ZDHHC11: variants seen among roughly 807,000 people sequenced by gnomAD.
The protein encoded by ZDHHC11 is palmitoyltransferase ZDHHC11.
ZDHHC11 carries 44 observed loss-of-function variants against 51.3 expected under a neutral mutation model. The observed-to-expected ratio is 0.86, with a 90% CI of 0.67 to 1.10. ZDHHC11 has a LOEUF of 1.10. Ranked by LOEUF, ZDHHC11 falls within the 50% of genes least tolerant of loss-of-function variation. ZDHHC11 has a pLI of 0.00. For synonymous variants in ZDHHC11, 163 were observed against 222.0 expected (o/e 0.73, Z 2.36); for missense variants, 400 against 537.7 (o/e 0.74, Z 2.53).
upstream of ZDHHC11, among the ~76,000 whole-genome samples, chr5:852,944 C>T (rs1747493862): frequency 7.0e-6 from 1 of 143,870 alleles, no homozygotes; most frequent in Admixed American, 7.0e-5. Flanking sequence ...AGGGGACAGA[C>T]CCCACGCAGG....
At chr5:812,268 C>T (rs1221679844) in intron 11 of ZDHHC11, among the ~76,000 whole-genome samples, 2 of 151,222 alleles carry the variant, frequency 1.3e-5, no homozygotes, top group African/African-American at 2.4e-5. Context: ...ATGAACTTCA[C>T]GTTGCAAAAG....
chr5:853,639 AG>A (rs759252331), upstream of ZDHHC11, among the ~76,000 whole-genome samples: 53 of 125,976 alleles, frequency 4.2e-4, no homozygotes, highest in Non-Finnish European at 1.7e-4. Flanking sequence ...ACAGCAAGCC[AG>A]GGGGACAGAC....
intron 1 of ZDHHC11, among the ~76,000 whole-genome samples, chr5:849,344 A>G (rs1746788537): frequency 6.6e-6 from 1 of 152,302 alleles, no homozygotes; most frequent in East Asian, 1.9e-4. Context: ...TGAGGGACAG[A>G]GCAGGGCCAC....
At chr5:854,146 C>T (rs1344540912), upstream of ZDHHC11, among the ~76,000 whole-genome samples, 8 of 126,320 alleles carry the variant, frequency 6.3e-5, no homozygotes, top group Non-Finnish European at 8.2e-5. Flanking sequence ...CAGAGGACAG[C>T]GAGCCGGGGG....
intron 11 of ZDHHC11, among the ~76,000 whole-genome samples, chr5:805,571 A>C (rs539364087): frequency 1.1e-5 from 1 of 95,106 alleles, no homozygotes; most frequent in East Asian, 6.2e-4. Context: ...GGAACATTAC[A>C]AACATTCAAC....
intron 11 of ZDHHC11, among the ~76,000 whole-genome samples, chr5:813,165 C>G (rs1160202083): frequency 1.4e-5 from 2 of 142,336 alleles, no homozygotes; most frequent in African/African-American, 2.8e-5. Flanking sequence ...GGTGACACCC[C>G]ATCTCTACAA....
At chr5:802,833 A>C (rs1185202005) in intron 11 of ZDHHC11, among the ~76,000 whole-genome samples, 7 of 44,278 alleles carry the variant, frequency 1.6e-4, no homozygotes, top group East Asian at 1.8e-3. Flanking sequence ...TACAAAAAAA[A>C]AAAAAAAAAA....
upstream of ZDHHC11, among the ~76,000 whole-genome samples, chr5:855,798 T>G (rs1289665730): frequency 1.1e-3 from 95 of 82,752 alleles, no homozygotes; most frequent in Non-Finnish European, 1.4e-3. Context: ...CAGTGAGCAG[T>G]GGGGACAGAC....
At position 816,719 on chromosome 5, in the gene ZDHHC11, C is replaced by T. The variant is rs546071944; in HGVS notation, c.1147-1924G>A. 4 of 555,454 alleles carry T rather than the reference C, an allele frequency of 7.2e-6. 1 individual carries two copies. Among genetic ancestry groups the T allele is most frequent in the African/African-American group, 1.9e-5 (1 of 52,716 alleles). The allele number at this position is 555,454 out of a possible 1,614,324, so 34.4% of individuals were successfully genotyped here. A position where few individuals can be genotyped will look rare whatever the true frequency, so the allele number is the denominator to read the frequency against. ...ATGGGAATTCTGACTATTTAGACCT[C>T]ATCTAAGGAGAAGACCATCTTTCTC... On this transcript the variant is annotated intron_variant, in intron 10 of 12. Coordinates refer to ENST00000283441, the MANE Select transcript of ZDHHC11 (RefSeq NM_024786.3).
intron 11 of ZDHHC11, among the ~76,000 whole-genome samples, chr5:809,507 C>T (rs531109277): frequency 6.6e-6 from 1 of 150,542 alleles, no homozygotes; most frequent in South Asian, 2.1e-4. Flanking sequence ...TGAGGACAAG[C>T]AGAGGAGGCC....
Position 802,193 on chromosome 5 carries a change from A to G in ZDHHC11, c.1182-1029T>C, listed in dbSNP as rs572703989. ...CGGCCAGGCAGTGACTGCTGCTGCA[A>G]GACTTCCCAAACCATAGGCAACAAT... On this transcript the variant is annotated intron_variant, in intron 11 of 12. Transcript: ENST00000283441. 2.6e-5 allele frequency among the ~76,000 whole-genome samples: 4 copies of G among 151,324 alleles called. No homozygotes were observed. In the South Asian group the frequency reaches 8.4e-4, roughly 32 times the overall value.
rs776488486 is a variant in ZDHHC11 at position 837,496 on chromosome 5, G to A, written c.785-16C>T. 2 of 1,606,186 alleles carry A rather than the reference G, an allele frequency of 1.2e-6. No homozygotes were observed. The highest frequency in any genetic ancestry group is 2.2e-5 in the East Asian group (1 of 44,886). On this transcript the variant is annotated splice_polypyrimidine_tract_variant and intron_variant, in intron 5 of 12. Coordinates refer to ENST00000283441, the MANE Select transcript of ZDHHC11 (RefSeq NM_024786.3). ...TTCTTGGCCTCTGGAAAGGGAAAAG[G>A]AGGAACAGGACAAGATACCAGCCCT...
chr5:800,214 T>G (rs1234965378), intron 12 of ZDHHC11, among the ~76,000 whole-genome samples: 3 of 150,864 alleles, frequency 2.0e-5, no homozygotes, highest in Admixed American at 1.3e-4. Context: ...ATACCAGGGC[T>G]TTTGATGTTT....
In ZDHHC11 at chr5:804,581, A is replaced by G. The variant is rs1288069075; in HGVS notation, c.1182-3417T>C. ...GTTAGATTGTTAAGGCATAGACAACAAGAGAATTTTGAAGGCAGGCAGAGA... is the reference window on the plus strand; with the variant it reads ...GTTAGATTGTTAAGGCATAGACAACGAGAGAATTTTGAAGGCAGGCAGAGA... On this transcript the variant is annotated intron_variant, in intron 11 of 12. Transcript: ENST00000283441. 6.6e-5 allele frequency among the ~76,000 whole-genome samples: 10 copies of G among 151,480 alleles called. 1 individual carries two copies. The highest frequency in any genetic ancestry group is 5.8e-4 in the East Asian group (3 of 5,186).
intron 10 of ZDHHC11, chr5:816,922 T>C: frequency 2.5e-6 from 1 of 401,144 alleles, no homozygotes. Context: ...CTGACCCCAG[T>C]GGGAGACTGG....
intron 9 of ZDHHC11, among the ~76,000 whole-genome samples, chr5:820,815 T>C (rs1579624091): frequency 6.6e-6 from 1 of 151,440 alleles, no homozygotes; most frequent in East Asian, 1.9e-4. Context: ...AAAAAATCTT[T>C]AGAGGCTTAT....
At chr5:856,944 C>A (rs1274007444) in intron 1 of ZDHHC11, among the ~76,000 whole-genome samples, 2 of 151,468 alleles carry the variant, frequency 1.3e-5, no homozygotes, top group Non-Finnish European at 3.0e-5. Flanking sequence ...ACCGAGCACA[C>A]CCATTTGCAC....
rs575114121 is a variant in ZDHHC11, at chr5:797,743, C to G, written c.*8-1163G>C. On this transcript the variant is annotated intron_variant, in intron 12 of 12. Coordinates refer to ENST00000283441, the MANE Select transcript of ZDHHC11 (RefSeq NM_024786.3). ...TTCAACATCTGAAATATTTATGTGTCTGTTTCTACTACGTTTTCTGCTGCT... is the reference window on the plus strand; with the variant it reads ...TTCAACATCTGAAATATTTATGTGTGTGTTTCTACTACGTTTTCTGCTGCT... Among the ~76,000 whole-genome samples the G allele has an allele frequency of 1.8e-4, 28 of 151,694 alleles. 2 individuals are homozygous for G. In the South Asian group the frequency reaches 5.6e-3, roughly 30 times the overall value.
chr5:799,406 C>T (rs558161436), intron 12 of ZDHHC11, among the ~76,000 whole-genome samples: 2 of 151,610 alleles, frequency 1.3e-5, no homozygotes, highest in East Asian at 1.9e-4. Flanking sequence ...GCCAAATACA[C>T]GATTTTTCTT....
Sources: gnomAD v4.1 joint callset for allele counts (sites outside exome capture counted in the v4.1 genomes callset) on GRCh38, gnomAD v4.1.1 for gene constraint, MANE v1.5 for transcripts, NCBI Gene and HGNC (gene_info 2026-07-23, HGNC 2026-07-21) for gene names.